TTC34: variants seen among roughly 807,000 people sequenced by gnomAD.
TTC34 encodes tetratricopeptide repeat protein 34.
TTC34 carries 44 observed loss-of-function variants against 40.7 expected under a neutral mutation model. The observed-to-expected ratio is 1.08, with a 90% CI of 0.85 to 1.39. The LOEUF is 1.39. Among genes scored for constraint, TTC34 ranks in the 40% most tolerant of loss-of-function variants. The pLI is 0.00. For missense variants in TTC34, 884 were observed against 838.0 expected (o/e 1.05, Z -0.68); for synonymous variants, 422 against 398.6 (o/e 1.06, Z -0.70).
At chr1:2,795,396 G>A (rs1056643249) in intron 2 of TTC34, among the ~76,000 whole-genome samples, 1 of 152,218 alleles carries the variant, frequency 6.6e-6, no homozygotes, top group African/African-American at 2.4e-5. Flanking sequence ...GAGACTCTAA[G>A]GTGGCCTCAC....
intron 6 of TTC34, among the ~76,000 whole-genome samples, chr1:2,675,114 C>A (rs560723276): frequency 0.15 from 634 of 4,306 alleles, no homozygotes; most frequent in African/African-American, 0.26. Context: ...TGGAGCAGTG[C>A]CCACACCCCC....
intron 6 of TTC34, among the ~76,000 whole-genome samples, chr1:2,657,610 A>T: frequency 1.0e-5 from 1 of 98,002 alleles, no homozygotes; most frequent in African/African-American, 3.1e-5. Flanking sequence ...AGCCCAGAGC[A>T]GCACCCACAC....
intron 6 of TTC34, among the ~76,000 whole-genome samples, chr1:2,750,805 A>C (rs1200709037): frequency 1.6e-5 from 2 of 128,018 alleles, no homozygotes; most frequent in Non-Finnish European, 3.2e-5. Context: ...CAGCGCCCAC[A>C]CCCCCAGGCG....
intron 3 of TTC34, among the ~76,000 whole-genome samples, chr1:2,788,887 T>A (rs550626361): frequency 6.8e-4 from 104 of 151,956 alleles, no homozygotes; most frequent in South Asian, 1.7e-3. Flanking sequence ...AGGTCAGGAG[T>A]TCGAGACCAG....
chr1:2,756,560 T>A (rs1641512180), intron 6 of TTC34, among the ~76,000 whole-genome samples: 1 of 152,166 alleles, frequency 6.6e-6, no homozygotes, highest in Admixed American at 6.5e-5. Context: ...CAGGTGAGCA[T>A]CTGACAGCCT....
intron 6 of TTC34, among the ~76,000 whole-genome samples, chr1:2,660,783 C>G (rs1450125631): frequency 7.3e-6 from 1 of 137,852 alleles, no homozygotes. Context: ...ACTGGAGCAG[C>G]ACCCACACCC....
At chr1:2,753,535 AC>A (rs1641397072) in intron 6 of TTC34, among the ~76,000 whole-genome samples, 1 of 77,532 alleles carries the variant, frequency 1.3e-5, no homozygotes, top group Admixed American at 1.3e-4. Context: ...CAGCACCCAC[AC>A]CCCCATGTGA....
intron 6 of TTC34, among the ~76,000 whole-genome samples, chr1:2,688,526 C>T (rs1370610297): frequency 1.4e-5 from 2 of 144,854 alleles, no homozygotes; most frequent in Non-Finnish European, 3.0e-5. Flanking sequence ...TAACAGTACC[C>T]ACACCCACAG....
intron 6 of TTC34, among the ~76,000 whole-genome samples, chr1:2,652,064 GCCT>G (rs1557584260): frequency 1.1e-5 from 1 of 93,062 alleles, no homozygotes; most frequent in African/African-American, 3.8e-5. Flanking sequence ...GCATCTGACA[GCCT>G]GGAGGAGCAC....
chr1:2,685,199 C>T (rs187889625), intron 6 of TTC34, among the ~76,000 whole-genome samples: 2 of 43,418 alleles, frequency 4.6e-5, no homozygotes, highest in South Asian at 8.5e-4. Context: ...GCACCCACAC[C>T]CCCAGGTGAG....
chr1:2,757,008 C>G (rs1457345165), intron 6 of TTC34, among the ~76,000 whole-genome samples: 3,385 of 83,902 alleles, frequency 0.04, no homozygotes, highest in Admixed American at 0.051. Context: ...CCTCTGACAG[C>G]CTGGAACAGC....
At chr1:2,691,596 C>T (rs796243769) in intron 6 of TTC34, among the ~76,000 whole-genome samples, 3,747 of 27,154 alleles carry the variant, frequency 0.14, 3 homozygotes, top group Middle Eastern at 0.34. Context: ...CAGGTGAGAC[C>T]CTGACAGCCT....
intron 8 of TTC34, among the ~76,000 whole-genome samples, chr1:2,642,802 C>T (rs1237113957): frequency 1.3e-5 from 2 of 152,220 alleles, no homozygotes; most frequent in Non-Finnish European, 2.9e-5. Flanking sequence ...CGGGGCGAAG[C>T]CGAGGCCCAC....
intron 6 of TTC34, among the ~76,000 whole-genome samples, chr1:2,761,282 T>A (rs1366685026): frequency 4.4e-3 from 47 of 10,664 alleles, no homozygotes; most frequent in African/African-American, 7.1e-3. Context: ...CAGCACCCAC[T>A]CCCGCAGGTG....
At chr1:2,695,303 A>ATGG (rs1640810972) in intron 6 of TTC34, among the ~76,000 whole-genome samples, 1 of 91,280 alleles carries the variant, frequency 1.1e-5, no homozygotes. Flanking sequence ...ATGGCCTGGA[A>ATGG]CTGCACCCAG....
chr1:2,749,434 G>A (rs1641244985), intron 6 of TTC34, among the ~76,000 whole-genome samples: 1 of 139,560 alleles, frequency 7.2e-6, no homozygotes, highest in African/African-American at 2.8e-5. Context: ...GCCTGGAACA[G>A]CACCGACACC....
At chr1:2,687,913 A>T (rs1422242518) in intron 6 of TTC34, among the ~76,000 whole-genome samples, 1 of 148,068 alleles carries the variant, frequency 6.8e-6, no homozygotes, top group Non-Finnish European at 1.5e-5. Flanking sequence ...GACAGACTGG[A>T]ACAGCACCCA....
chr1:2,751,726 AC>A, intron 6 of TTC34, among the ~76,000 whole-genome samples: 1 of 148,900 alleles, frequency 6.7e-6, no homozygotes, highest in African/African-American at 2.5e-5. Context: ...CAGCACCCAC[AC>A]CCCCAGGTGA....
At chr1:2,652,724 A>C (rs1400807455) in intron 6 of TTC34, among the ~76,000 whole-genome samples, 2 of 107,592 alleles carry the variant, frequency 1.9e-5, no homozygotes, top group Non-Finnish European at 3.9e-5. Flanking sequence ...GAGCACCCAC[A>C]CCCCCAGGTG....
Sources: allele counts gnomAD v4.1 joint callset (sites outside exome capture counted in the v4.1 genomes callset), GRCh38; gene constraint gnomAD v4.1.1; transcripts MANE v1.5; gene names NCBI Gene and HGNC (gene_info 2026-07-23, HGNC 2026-07-21).